RAP1GAP: variants seen among roughly 807,000 people sequenced by gnomAD.
The protein encoded by RAP1GAP is rap1 GTPase-activating protein 1.
In RAP1GAP, 35 loss-of-function variants were observed where a neutral mutation model predicts 87.2. The ratio of observed to expected loss-of-function variants is 0.40; its 90% CI spans 0.31 to 0.53. The LOEUF is 0.53. Ranked by LOEUF, RAP1GAP falls within the 20% of genes least tolerant of loss-of-function variation. The pLI is 0.48. For synonymous variants in RAP1GAP, 375 were observed against 363.9 expected, an observed-to-expected ratio of 1.03 and a Z score of -0.35; for missense variants, 734 against 898.9, an observed-to-expected ratio of 0.82 and a Z score of 2.35.
chr1:21,608,306 T>C lies in RAP1GAP; in HGVS notation c.1203A>G (p.Leu401=). 3.1e-6 allele frequency: 5 copies of C among 1,613,958 alleles called. No individual in the cohort carries two copies. The highest frequency in any genetic ancestry group is 2.2e-5 in the East Asian group (1 of 44,870). The part of the protein sequence containing the change: ...AALLETLYEE[L]HIHSQSMMGL... ...CCATCATGGACTGGCTGTGGATGTGTAGTTCCTCATAGAGCGTCTCCAGGA... is the reference window on the plus strand; with the variant it reads ...CCATCATGGACTGGCTGTGGATGTGCAGTTCCTCATAGAGCGTCTCCAGGA... Residue 401 remains leucine, a synonymous_variant, in exon 17 of 25, where the codon CTA becomes CTG. Coordinates refer to ENST00000374765, the MANE Select transcript of RAP1GAP (RefSeq NM_002885.4).
In RAP1GAP at chr1:21,603,696, C is replaced by T. The variant is rs543402145; in HGVS notation, c.1429-783G>A. On this transcript the variant is annotated intron_variant, in intron 18 of 24. Coordinates refer to ENST00000374765, the MANE Select transcript of RAP1GAP (RefSeq NM_002885.4). The surrounding 1 kb of genome is among the most constrained non-coding windows in gnomAD (Gnocchi z 6.0). Reference sequence around the variant, plus strand: ...AGGTGCTGAGTGCCATCGGAGCTGCCGCCACTCCATCCCGCACGCCCTGGG... The same window carrying T: ...AGGTGCTGAGTGCCATCGGAGCTGCTGCCACTCCATCCCGCACGCCCTGGG... 1.1e-5 allele frequency: 10 copies of T among 940,444 alleles called. No homozygotes were observed. The highest frequency in any genetic ancestry group is 3.9e-5 in the South Asian group (3 of 77,326). The allele number at this position is 940,444 out of a possible 1,614,324, so 58.3% of individuals were successfully genotyped here.
At chr1:21,624,681 G>A (rs376788820) in intron 3 of RAP1GAP, among the ~76,000 whole-genome samples, 194 of 152,326 alleles carry the variant, frequency 1.3e-3, no homozygotes, top group African/African-American at 4.5e-3. Context: ...GGGCTGTCGG[G>A]AAGGGAAGGT....
In RAP1GAP at chr1:21,645,965, G is replaced by A. The variant is rs188528883; in HGVS notation, c.-113+3796C>T. Among the ~76,000 whole-genome samples, 41 of 152,354 alleles carry A rather than the reference G, an allele frequency of 2.7e-4. 1 individual carries two copies. Among genetic ancestry groups the A allele is most frequent in the African/African-American group, 8.7e-4 (36 of 41,584 alleles). On this transcript the variant is annotated intron_variant, in intron 2 of 24. Transcript: ENST00000374765. ...AGGAGATCGAGGGCTAAAGGCATGG[G>A]CTCAGAGTGGCATTACTGTCAGTCT...
chr1:21,630,558 T>C (rs935117299), intron 2 of RAP1GAP, among the ~76,000 whole-genome samples: 3 of 149,980 alleles, frequency 2.0e-5, no homozygotes, highest in Non-Finnish European at 4.4e-5. Context: ...CCCTGACCTT[T>C]TGTTGTTGTT....
At position 21,609,576 on chromosome 1, in the gene RAP1GAP, T is replaced by TGTG; in HGVS notation, c.1069_1070insCAC (p.Lys357delinsThrGln). On this transcript the variant is annotated protein_altering_variant and splice_region_variant, in exon 15 of 25. Transcript: ENST00000374765. This position sits in a 1 kb window ranked among gnomAD's most constrained non-coding sequence, Gnocchi z 4.4. ...CATGACTGGGGGGGTGCCCCTCACC[T>TGTG]TCCTGAACACAGCGGGGTCCGGGAG... 6.4e-7 allele frequency: 1 copy of TGTG among 1,553,152 alleles called. No homozygotes were observed. Among genetic ancestry groups the TGTG allele is most frequent in the Non-Finnish European group, 8.7e-7 (1 of 1,147,820 alleles).
At chr1:21,642,831 C>A (rs1056640080) in intron 2 of RAP1GAP, among the ~76,000 whole-genome samples, 11 of 151,508 alleles carry the variant, frequency 7.3e-5, no homozygotes, top group African/African-American at 2.4e-4. Flanking sequence ...CCTGCCACCT[C>A]CTGTCCCTGG....
rs182867839 is a variant in RAP1GAP, at chr1:21,618,129, G to A, written c.67-157C>T. Among the ~76,000 whole-genome samples the A allele has an allele frequency of 2.0e-3, 312 of 152,270 alleles. 2 individuals are homozygous for A. The highest frequency in any genetic ancestry group is 0.01 in the Middle Eastern group (3 of 294). ...GGGCAGGGGCTGAGGCAGGCTTAGCGTGCTGAGTGCTGGCATCTTCTGGGG... is the reference window on the plus strand; with the variant it reads ...GGGCAGGGGCTGAGGCAGGCTTAGCATGCTGAGTGCTGGCATCTTCTGGGG... On this transcript the variant is annotated intron_variant, in intron 5 of 24. Transcript: ENST00000374765.
chr1:21,659,530 C>T (rs2097026152), intron 1 of RAP1GAP, among the ~76,000 whole-genome samples: 1 of 152,222 alleles, frequency 6.6e-6, no homozygotes, highest in South Asian at 2.1e-4. Context: ...CCTGCGCCCG[C>T]CCACTGTGCT....
At chr1:21,644,311 G>C (rs2095819921) in intron 2 of RAP1GAP, among the ~76,000 whole-genome samples, 1 of 152,162 alleles carries the variant, frequency 6.6e-6, no homozygotes, top group African/African-American at 2.4e-5. Context: ...TCTTCAGAAA[G>C]GCTTTCCAGG....
chr1:21,611,732 G>C lies in RAP1GAP; in HGVS notation c.697C>G (p.Leu233Val), dbSNP rs1159394057. The change falls in exon 12 of 25, where the codon CTG (leucine) becomes GTG (valine). Residue 233 changes from leucine to valine, a missense_variant. Physicochemically the swap from Leu to Val is conservative, Grantham distance 32 (BLOSUM62 1). This residue lies in a region of RAP1GAP where 485 missense variants were observed against 646.2 expected (regional missense o/e 0.75). Coordinates refer to ENST00000374765, the MANE Select transcript of RAP1GAP (RefSeq NM_002885.4). ...AATACTCACCCCTTAAAGTCCTGCA[G>C]TTTGACCTTCTGGCCAAGAAATTCA... ...FLEFLGQKVKLQDFKGFRGGL... is the reference protein window; with the variant it reads ...FLEFLGQKVKVQDFKGFRGGL... The C allele has an allele frequency of 6.2e-7, 1 of 1,613,544 alleles. No homozygotes were observed. Among genetic ancestry groups the C allele is most frequent in the African/African-American group, 1.3e-5 (1 of 75,042 alleles).
At chr1:21,649,512 T>G (rs1486286248) in intron 2 of RAP1GAP, among the ~76,000 whole-genome samples, 2 of 152,114 alleles carry the variant, frequency 1.3e-5, no homozygotes, top group African/African-American at 2.4e-5. Flanking sequence ...TTCAGAGACA[T>G]TAAGGAATTG....
chr1:21,660,953 G>A (rs895912052), intron 1 of RAP1GAP, among the ~76,000 whole-genome samples: 3 of 152,106 alleles, frequency 2.0e-5, no homozygotes, highest in African/African-American at 7.2e-5. Context: ...GGGGACAGGA[G>A]GAGGAGGGAG....
rs1278050336 is a variant in RAP1GAP at position 21,613,652 on chromosome 1, G to A, written c.450C>T (p.Phe150=). 6.2e-7 allele frequency: 1 copy of A among 1,613,744 alleles called. No homozygotes were observed. The highest frequency in any genetic ancestry group is 1.7e-5 in the Admixed American group (1 of 60,022). The part of the protein sequence containing the change: ...DVIPISCLTE[F]PNVVQMAKLV... ...CCTTTGCCATCTGGACAACATTAGG[G>A]AACTCGGTGAGGCAGGAGATGGGGA... The change falls in exon 9 of 25, where the codon TTC becomes TTT. Residue 150 remains phenylalanine, a synonymous_variant. Coordinates refer to ENST00000374765, the MANE Select transcript of RAP1GAP (RefSeq NM_002885.4). The surrounding 1 kb of genome is among the most constrained non-coding windows in gnomAD (Gnocchi z 4.7).
chr1:21,638,122 G>A (rs2095085573), intron 2 of RAP1GAP, among the ~76,000 whole-genome samples: 1 of 146,820 alleles, frequency 6.8e-6, no homozygotes, highest in Non-Finnish European at 1.5e-5. Context: ...CTGTACTTCA[G>A]CCTGAGTAAC....
chr1:21,599,100 C>T (rs1353959515), intron 21 of RAP1GAP, among the ~76,000 whole-genome samples: 2 of 152,202 alleles, frequency 1.3e-5, no homozygotes, highest in African/African-American at 4.8e-5. Context: ...TGAGTCAGAG[C>T]CAGCCTGGCA....
At chr1:21,638,768 T>C (rs900352963) in intron 2 of RAP1GAP, among the ~76,000 whole-genome samples, 1 of 152,234 alleles carries the variant, frequency 6.6e-6, no homozygotes, top group Admixed American at 6.5e-5. Context: ...GCACTCACTA[T>C]GACTCAGCTC....
chr1:21,600,943 G>GC (rs1489908655), intron 20 of RAP1GAP, among the ~76,000 whole-genome samples: 4 of 144,908 alleles, frequency 2.8e-5, no homozygotes, highest in African/African-American at 1.0e-4. Context: ...GCCAGTGTCT[G>GC]CCCACCTCTC....
intron 2 of RAP1GAP, among the ~76,000 whole-genome samples, chr1:21,641,074 A>ATTT (rs546229041): frequency 0.11 from 14,121 of 131,986 alleles, 1,015 homozygotes; most frequent in South Asian, 0.17. Context: ...CGCCCAGCTA[A>ATTT]TTTTTTTTTT....
intron 20 of RAP1GAP, among the ~76,000 whole-genome samples, chr1:21,600,430 C>G (rs1004481817): frequency 6.6e-6 from 1 of 152,216 alleles, no homozygotes; most frequent in African/African-American, 2.4e-5. Flanking sequence ...AGAGGCAGCT[C>G]AGCCAACGGA....
Sources: allele counts gnomAD v4.1 joint callset (sites outside exome capture counted in the v4.1 genomes callset), GRCh38; gene constraint gnomAD v4.1.1; regional missense constraint gnomAD v4.1.1; non-coding constraint Gnocchi (gnomAD v3.1); transcripts MANE v1.5; gene names NCBI Gene and HGNC (gene_info 2026-07-23, HGNC 2026-07-21).